The following FOXP4 variants were observed in gnomAD, a reference collection of about 807,000 sequenced individuals.
The protein encoded by FOXP4 is forkhead box P4, also known as forkhead box protein P4.
FOXP4 carries 25 observed loss-of-function variants against 82.6 expected under a neutral mutation model. The observed-to-expected ratio is 0.30, with a 90% CI of 0.22 to 0.42. FOXP4 has a LOEUF of 0.42. FOXP4 is among the 10% of genes least tolerant of loss of function. FOXP4 has a pLI of 1.00. For missense variants in FOXP4, 785 were observed against 900.9 expected (o/e 0.87, Z 1.65); for synonymous variants, 415 against 388.2 (o/e 1.07, Z -0.81).
Position 41,598,773 on chromosome 6 carries a change from C to T in FOXP4, c.1896-16C>T. On this transcript the variant is annotated splice_polypyrimidine_tract_variant and intron_variant, in intron 16 of 16. Coordinates refer to ENST00000307972, the MANE Select transcript of FOXP4 (RefSeq NM_001012426.2). ...GAGGACAGCCGCCTGGTGCCCATGC[C>T]ATACTTTTGCCTCAGCCACCAGGTG... 6.4e-7 allele frequency: 1 copy of T among 1,552,782 alleles called. No individual in the cohort carries two copies. Among genetic ancestry groups the T allele is most frequent in the Non-Finnish European group, 8.7e-7 (1 of 1,148,456 alleles).
chr6:41,575,141 TG>T (rs1267270126), intron 2 of FOXP4, among the ~76,000 whole-genome samples: 1 of 152,148 alleles, frequency 6.6e-6, no homozygotes, highest in Non-Finnish European at 1.5e-5. Flanking sequence ...GCTAATTTTT[TG>T]TATTTTTAGT....
chr6:41,594,379 G>A (rs996324312), intron 13 of FOXP4, among the ~76,000 whole-genome samples: 1 of 152,182 alleles, frequency 6.6e-6, no homozygotes, highest in African/African-American at 2.4e-5. Flanking sequence ...GGTCAGTGGA[G>A]GTGGCAGTGA....
chr6:41,587,352 G>C lies in FOXP4; in HGVS notation c.712G>C (p.Gly238Arg), dbSNP rs201392271. The C allele has an allele frequency of 1.2e-6, 2 of 1,610,342 alleles. No homozygotes were observed. The highest frequency in any genetic ancestry group is 1.3e-5 in the African/African-American group (1 of 74,906). ...GCTGTGGAAGGGCGAGGGTGCCCCCGGGCAGCCTGCCGAGGACAGCGTCAA... is the reference window on the plus strand; with the variant it reads ...GCTGTGGAAGGGCGAGGGTGCCCCCCGGCAGCCTGCCGAGGACAGCGTCAA... The part of the protein sequence containing the change: ...PQLWKGEGAP[G>R]QPAEDSVKQE... Residue 238 changes from glycine to arginine, a missense_variant, in exon 7 of 17, where the codon GGG (glycine) becomes CGG (arginine). Gly to Arg is a moderately radical substitution (Grantham distance 125, BLOSUM62 -2). This residue lies in a region of FOXP4 where 570 missense variants were observed against 634.0 expected (regional missense o/e 0.90). Coordinates refer to ENST00000307972, the MANE Select transcript of FOXP4 (RefSeq NM_001012426.2).
chr6:41,560,469 T>C (rs1764505145), intron 1 of FOXP4, among the ~76,000 whole-genome samples: 1 of 152,230 alleles, frequency 6.6e-6, no homozygotes, highest in African/African-American at 2.4e-5. Context: ...ACGGGCTACC[T>C]GTGGTCGTTC....
intron 1 of FOXP4, among the ~76,000 whole-genome samples, chr6:41,556,713 A>G (rs1473411842): frequency 2.0e-5 from 3 of 152,188 alleles, no homozygotes; most frequent in South Asian, 2.1e-4. Context: ...CACCTCCTAC[A>G]GAAAGCCTTC....
chr6:41,562,086 C>A (rs1041495282), intron 1 of FOXP4, among the ~76,000 whole-genome samples: 2 of 152,260 alleles, frequency 1.3e-5, no homozygotes, highest in African/African-American at 2.4e-5. Flanking sequence ...CACACCGGTG[C>A]TGTCGCGGCG....
intron 14 of FOXP4, 125 bp from the exon 15 acceptor site, chr6:41,597,051 C>T (rs1766882761): frequency 6.0e-6 from 6 of 1,004,128 alleles, no homozygotes; most frequent in Non-Finnish European, 6.2e-6. Flanking sequence ...CTGATCCGCC[C>T]TGGCCTCCCG....
chr6:41,591,239 G>C lies in FOXP4; in HGVS notation c.1453G>C (p.Asp485His). The change falls in exon 13 of 17, where the codon GAC (aspartate) becomes CAC (histidine). Residue 485 changes from aspartate (D) to histidine (H), a missense_variant. By Grantham distance (81) the Asp-to-His change is moderately conservative. Around this residue, in one of 3 missense-constraint regions of FOXP4, gnomAD observed 570 missense variants for 634.0 expected, o/e 0.90. Coordinates refer to ENST00000307972, the MANE Select transcript of FOXP4 (RefSeq NM_001012426.2). The surrounding 1 kb of genome is among the most constrained non-coding windows in gnomAD (Gnocchi z 4.2). ...CCCGCAGGCCATCCTGGAAACCCCT[G>C]ACAGGCAGCTGACCCTGAATGAGAT... Reference protein sequence around the residue: ...LIRQAILETPDRQLTLNEIYN... With the variant: ...LIRQAILETPHRQLTLNEIYN... The C allele has an allele frequency of 6.2e-7, 1 of 1,609,788 alleles. No homozygotes were observed. The highest frequency in any genetic ancestry group is 8.5e-7 in the Non-Finnish European group (1 of 1,178,106).
At chr6:41,576,667 G>A (rs950297539) in intron 2 of FOXP4, among the ~76,000 whole-genome samples, 2 of 152,192 alleles carry the variant, frequency 1.3e-5, no homozygotes, top group African/African-American at 2.4e-5. Context: ...CGAAGGGAGT[G>A]AATACTTCCC....
chr6:41,558,018 A>G lies in FOXP4; in HGVS notation c.-16-7727A>G, dbSNP rs1764371539. Among the ~76,000 whole-genome samples the G allele has an allele frequency of 6.6e-6, 1 of 152,056 alleles. No homozygotes were observed. Among genetic ancestry groups the G allele is most frequent in the African/African-American group, 2.4e-5 (1 of 41,400 alleles). ...TGCTAAGAAGCCTTGAATGGTCCCT[A>G]GAGTTGGGGTAGGCAGCTTCTAGGA... is the stretch of plus-strand genomic sequence containing the variant. On this transcript the variant is annotated intron_variant, in intron 1 of 16. Coordinates refer to ENST00000307972, the MANE Select transcript of FOXP4 (RefSeq NM_001012426.2). The surrounding 1 kb of genome is among the most constrained non-coding windows in gnomAD (Gnocchi z 4.0).
chr6:41,575,554 G>T (rs1288737601), intron 2 of FOXP4, among the ~76,000 whole-genome samples: 2 of 152,028 alleles, frequency 1.3e-5, no homozygotes, highest in Non-Finnish European at 2.9e-5. Context: ...GGGGTGTAGG[G>T]GGAGGAAGGG....
In FOXP4 at chr6:41,565,894, A is replaced by G. The variant is rs769065139; in HGVS notation, c.134A>G (p.Glu45Gly). ...ACAACTGCAAGTGGCACGGGCAGGG[A>G]AGTGACCACGGGTGCAGACAGCAAT... Reference protein sequence around the residue: ...TGTTASGTGREVTTGADSNGE... With the variant: ...TGTTASGTGRGVTTGADSNGE... The change falls in exon 2 of 17, where the codon GAA becomes GGA. Residue 45 changes from glutamate (E) to glycine (G), a missense_variant. This residue lies in a region of FOXP4 where 570 missense variants were observed against 634.0 expected (regional missense o/e 0.90). Transcript: ENST00000307972. The G allele has an allele frequency of 3.3e-5, 53 of 1,613,872 alleles. No homozygotes were observed. The highest frequency in any genetic ancestry group is 4.3e-5 in the Non-Finnish European group (51 of 1,180,048).
chr6:41,580,044 C>CTTTTT (rs10644693), intron 3 of FOXP4, among the ~76,000 whole-genome samples: 1 of 131,942 alleles, frequency 7.6e-6, no homozygotes, highest in Non-Finnish European at 1.6e-5. Flanking sequence ...AGAACTCACA[C>CTTTTT]TTTTTTTTTT....
chr6:41,577,587 G>A (rs1224603874), intron 2 of FOXP4, among the ~76,000 whole-genome samples: 2 of 152,136 alleles, frequency 1.3e-5, no homozygotes, highest in Non-Finnish European at 1.5e-5. Flanking sequence ...GCCTTACAGA[G>A]GAAGATTAAA....
chr6:41,550,587 T>C (rs1339781828), intron 1 of FOXP4, among the ~76,000 whole-genome samples: 1 of 152,214 alleles, frequency 6.6e-6, no homozygotes, highest in Non-Finnish European at 1.5e-5. Context: ...GAGCGTGTGC[T>C]GTGGTGAAGG....
intron 3 of FOXP4, among the ~76,000 whole-genome samples, chr6:41,581,400 TG>T (rs1178301493): frequency 1.3e-5 from 2 of 152,132 alleles, no homozygotes; most frequent in Non-Finnish European, 2.9e-5. Context: ...TATTCATGGG[TG>T]GGTGCAGGGT....
intron 13 of FOXP4, among the ~76,000 whole-genome samples, chr6:41,592,270 T>C (rs1327222923): frequency 6.6e-6 from 1 of 152,168 alleles, no homozygotes; most frequent in Non-Finnish European, 1.5e-5. Flanking sequence ...GCCCAGGACT[T>C]GGTGGGGTCT....
At chr6:41,577,495 G>A (rs1765552838) in intron 2 of FOXP4, among the ~76,000 whole-genome samples, 1 of 152,154 alleles carries the variant, frequency 6.6e-6, no homozygotes, top group Non-Finnish European at 1.5e-5. Flanking sequence ...CCGCCTAGCT[G>A]TATGATCCTG....
At chr6:41,564,959 G>A (rs181971651) in intron 1 of FOXP4, among the ~76,000 whole-genome samples, 29 of 152,290 alleles carry the variant, frequency 1.9e-4, no homozygotes, top group East Asian at 1.2e-3. Flanking sequence ...CCTGGGATGG[G>A]AGCAAACACA....
Sources: allele counts gnomAD v4.1 joint callset (sites outside exome capture counted in the v4.1 genomes callset), GRCh38; gene constraint gnomAD v4.1.1; regional missense constraint gnomAD v4.1.1; non-coding constraint Gnocchi (gnomAD v3.1); transcripts MANE v1.5; gene names NCBI Gene and HGNC (gene_info 2026-07-23, HGNC 2026-07-21).